Variants in EYS observed in about 807,000 individuals in gnomAD.
EYS encodes protein eyes shut homolog.
A neutral mutation model predicts 282.1 loss-of-function variants in EYS; 250 were observed. That is an observed-to-expected ratio of 0.89 (90% CI 0.80 to 0.98). The LOEUF (loss-of-function observed/expected upper bound fraction) is 0.98, where lower values mean the gene tolerates loss of function less well. Ranked by LOEUF, EYS falls within the 50% of genes least tolerant of loss-of-function variation. The pLI is 0.00. For missense variants in EYS, 4,016 were observed against 3,709.0 expected, an observed-to-expected ratio of 1.08 and a Z score of -2.15; for synonymous variants, 1,355 against 1,282.9, an observed-to-expected ratio of 1.06 and a Z score of -1.20.
chr6:64,384,233 A>AC (rs199806571), intron 29 of EYS, among the ~76,000 whole-genome samples: 1 of 152,212 alleles, frequency 6.6e-6, no homozygotes, highest in East Asian at 1.9e-4. Context: ...CATTTGCTTT[A>AC]CCAGTGTCCC....
At chr6:65,574,827 G>C (rs1285518759) in intron 2 of EYS, among the ~76,000 whole-genome samples, 1 of 152,058 alleles carries the variant, frequency 6.6e-6, no homozygotes, top group Non-Finnish European at 1.5e-5. Context: ...TTTCTCTCAA[G>C]TGCACATGGA....
chr6:65,658,512 A>G (rs1369488632), intron 1 of EYS, among the ~76,000 whole-genome samples: 1 of 151,696 alleles, frequency 6.6e-6, no homozygotes, highest in Non-Finnish European at 1.5e-5. Context: ...TTAGTAAAAT[A>G]TAGTTAAAAT....
intron 30 of EYS, among the ~76,000 whole-genome samples, chr6:64,275,231 A>G (rs2150359179): frequency 1.3e-5 from 2 of 152,300 alleles, no homozygotes; most frequent in Middle Eastern, 6.8e-3. Flanking sequence ...TAAGTTTGCG[A>G]TTGGTGCTAA....
At chr6:63,989,391 A>G (rs1767508788) in intron 34 of EYS, among the ~76,000 whole-genome samples, 1 of 151,666 alleles carries the variant, frequency 6.6e-6, no homozygotes, top group Non-Finnish European at 1.5e-5. Context: ...ATTCTTAAAA[A>G]TTGTTTAAGG....
At chr6:65,166,332 A>C (rs975877824) in intron 12 of EYS, among the ~76,000 whole-genome samples, 1 of 151,190 alleles carries the variant, frequency 6.6e-6, no homozygotes, top group Non-Finnish European at 1.5e-5. Context: ...TATTTTTAAA[A>C]CTTACCACAA....
chr6:65,288,845 G>A (rs1285514549), intron 12 of EYS, among the ~76,000 whole-genome samples: 3 of 151,086 alleles, frequency 2.0e-5, no homozygotes, highest in African/African-American at 7.3e-5. Context: ...TGTCTGGAAC[G>A]TGTAACAAGT....
chr6:64,759,719 T>C (rs1773095934), intron 22 of EYS, among the ~76,000 whole-genome samples: 1 of 152,212 alleles, frequency 6.6e-6, no homozygotes, highest in South Asian at 2.1e-4. Flanking sequence ...AGGAATTCAC[T>C]CTTTCTGAAT....
At chr6:64,105,398 C>T (rs1772975906) in intron 31 of EYS, among the ~76,000 whole-genome samples, 1 of 152,078 alleles carries the variant, frequency 6.6e-6, no homozygotes, top group Non-Finnish European at 1.5e-5. Flanking sequence ...ACCTTCTCCA[C>T]TAATGACATC....
chr6:65,588,904 T>TAA (rs4032273), intron 2 of EYS, among the ~76,000 whole-genome samples: 1 of 151,312 alleles, frequency 6.6e-6, no homozygotes, highest in South Asian at 2.1e-4. Flanking sequence ...AAAAGTGAAA[T>TAA]ATATATGATC....
intron 36 of EYS, among the ~76,000 whole-genome samples, chr6:63,840,599 T>C (rs1771931268): frequency 1.3e-5 from 2 of 152,200 alleles, no homozygotes; most frequent in Admixed American, 6.5e-5. Context: ...GTCTTCTCTA[T>C]AAAATCTTTG....
chr6:64,412,477 G>A (rs1011639208), intron 28 of EYS, among the ~76,000 whole-genome samples: 1 of 152,102 alleles, frequency 6.6e-6, no homozygotes, highest in Non-Finnish European at 1.5e-5. Context: ...TATTGGGGTT[G>A]GTAGAGATAT....
chr6:65,097,204 C>T (rs1774763243), intron 12 of EYS, among the ~76,000 whole-genome samples: 1 of 151,008 alleles, frequency 6.6e-6, no homozygotes, highest in Non-Finnish European at 1.5e-5. Flanking sequence ...AAACACTTCT[C>T]CAAAGAAGAA....
In EYS at chr6:64,617,549, A is replaced by G; in HGVS notation, c.3569-16T>C. On this transcript the variant is annotated splice_polypyrimidine_tract_variant and intron_variant, in intron 23 of 42. Coordinates refer to ENST00000503581, the MANE Select transcript of EYS (RefSeq NM_001142800.2). ...CCAGACCATCCTGTTCAACAAAATT[A>G]CAAAGCAGATATGCAATTTTTAATG... 2 of 1,422,526 alleles carry G rather than the reference A, an allele frequency of 1.4e-6. No homozygotes were observed. The highest frequency in any genetic ancestry group is 1.9e-6 in the Non-Finnish European group (2 of 1,032,182). The allele number at this position is 1,422,526 out of a possible 1,614,324, so 88.1% of individuals were successfully genotyped here.
chr6:65,457,956 T>C (rs1328048874), intron 5 of EYS, among the ~76,000 whole-genome samples: 1 of 152,122 alleles, frequency 6.6e-6, no homozygotes, highest in East Asian at 1.9e-4. Flanking sequence ...CTCAAACCTA[T>C]ATTACCTTCT....
intron 28 of EYS, among the ~76,000 whole-genome samples, chr6:64,403,005 A>T (rs917578936): frequency 1.3e-5 from 2 of 152,184 alleles, no homozygotes; most frequent in Admixed American, 6.5e-5. Context: ...TTGTGATTCT[A>T]ATTATATTAT....
intron 31 of EYS, among the ~76,000 whole-genome samples, chr6:64,136,192 G>A (rs1207168063): frequency 2.7e-5 from 4 of 148,810 alleles, no homozygotes; most frequent in Admixed American, 6.7e-5. Context: ...GAACAACTTC[G>A]TATCCATTAA....
chr6:65,429,433 C>T (rs1014823028), intron 5 of EYS, among the ~76,000 whole-genome samples: 1 of 152,044 alleles, frequency 6.6e-6, no homozygotes, highest in Non-Finnish European at 1.5e-5. Context: ...TTCCAGCAGG[C>T]AAAGAAATGA....
intron 9 of EYS, among the ~76,000 whole-genome samples, chr6:65,348,224 T>C (rs917744313): frequency 2.0e-5 from 3 of 151,748 alleles, no homozygotes; most frequent in African/African-American, 7.2e-5. Flanking sequence ...AATATACTTA[T>C]CCCCTTTCAT....
At chr6:65,288,798 G>A (rs1216015429) in intron 12 of EYS, among the ~76,000 whole-genome samples, 1 of 151,060 alleles carries the variant, frequency 6.6e-6, no homozygotes, top group East Asian at 1.9e-4. Flanking sequence ...ATATGTGAAG[G>A]GGATTAAATG....
Sources: allele counts gnomAD v4.1 joint callset (sites outside exome capture counted in the v4.1 genomes callset), GRCh38; gene constraint gnomAD v4.1.1; transcripts MANE v1.5; gene names NCBI Gene and HGNC (gene_info 2026-07-23, HGNC 2026-07-21).